The following SKAP1 variants were observed in gnomAD, a reference collection of about 807,000 sequenced individuals.
SKAP1 encodes src kinase-associated phosphoprotein 1.
A neutral mutation model predicts 58.5 loss-of-function variants in SKAP1; 44 were observed. The ratio of observed to expected loss-of-function variants is 0.75; its 90% CI spans 0.59 to 0.97. SKAP1 has a LOEUF of 0.97. SKAP1 is among the 50% of genes least tolerant of loss of function. The pLI is 0.00. For missense variants in SKAP1, 390 were observed against 435.2 expected (o/e 0.90, Z 0.92); for synonymous variants, 127 against 149.7 (o/e 0.85, Z 1.11).
At chr17:48,290,018 T>C (rs2065880655) in intron 4 of SKAP1, among the ~76,000 whole-genome samples, 2 of 152,142 alleles carry the variant, frequency 1.3e-5, no homozygotes, top group African/African-American at 2.4e-5. Context: ...ATGGAAATAT[T>C]CTCAGAATTA....
chr17:48,335,588 G>A (rs2066557028), intron 4 of SKAP1, among the ~76,000 whole-genome samples: 1 of 152,042 alleles, frequency 6.6e-6, no homozygotes, highest in Non-Finnish European at 1.5e-5. Context: ...TAGAAGGAAT[G>A]CTACAATAAT....
At chr17:48,224,287 T>G (rs946931289) in intron 4 of SKAP1, among the ~76,000 whole-genome samples, 4 of 152,212 alleles carry the variant, frequency 2.6e-5, no homozygotes, top group African/African-American at 7.2e-5. Context: ...GGACAAACTC[T>G]GAAAGATTTC....
rs2066967262 is a variant in SKAP1, at chr17:48,363,818, A to G, written c.153-4T>C. 6.2e-7 allele frequency: 1 copy of G among 1,605,730 alleles called. No individual in the cohort carries two copies. The highest frequency in any genetic ancestry group is 2.2e-5 in the East Asian group (1 of 44,802). On this transcript the variant is annotated splice_polypyrimidine_tract_variant and splice_region_variant and intron_variant, in intron 2 of 12. Transcript: ENST00000336915. ...GGGCTGAAAATCCCAATAGTACCTGAAATACAAGGGGGAAAAAAAAAGGGA... is the reference window on the plus strand; with the variant it reads ...GGGCTGAAAATCCCAATAGTACCTGGAATACAAGGGGGAAAAAAAAAGGGA...
chr17:48,155,079 A>C (rs2063955711), intron 11 of SKAP1, among the ~76,000 whole-genome samples: 1 of 151,920 alleles, frequency 6.6e-6, no homozygotes, highest in South Asian at 2.1e-4. Flanking sequence ...AAAAAAAAAA[A>C]AAGTTATCTT....
chr17:48,257,628 CT>C (rs56225931), intron 4 of SKAP1, among the ~76,000 whole-genome samples: 40,565 of 110,838 alleles, frequency 0.37, 5,863 homozygotes, highest in East Asian at 0.63. Context: ...TTCTTTCTTT[CT>C]TTTTTTTTTT....
chr17:48,231,118 C>G (rs968668216), intron 4 of SKAP1, among the ~76,000 whole-genome samples: 1 of 152,122 alleles, frequency 6.6e-6, no homozygotes, highest in African/African-American at 2.4e-5. Flanking sequence ...TTAGTGTACA[C>G]AGTGGTTTAC....
intron 4 of SKAP1, among the ~76,000 whole-genome samples, chr17:48,337,401 A>G (rs1350296747): frequency 6.6e-6 from 1 of 152,222 alleles, no homozygotes; most frequent in Non-Finnish European, 1.5e-5. Context: ...GTAGAAAAAC[A>G]AAAACTATCA....
chr17:48,199,114 C>T (rs2064689560), intron 4 of SKAP1, among the ~76,000 whole-genome samples: 1 of 151,996 alleles, frequency 6.6e-6, no homozygotes, highest in African/African-American at 2.4e-5. Context: ...GATAAGAGCA[C>T]AGAGAAAAGG....
At chr17:48,185,981 G>A (rs561089783) in intron 6 of SKAP1, 61 of 152,110 alleles carry the variant, frequency 4.0e-4, no homozygotes, top group African/African-American at 1.3e-3. Context: ...AAAAGCTTCC[G>A]AGTCTCTTGC....
intron 2 of SKAP1, among the ~76,000 whole-genome samples, chr17:48,366,595 A>C (rs909197816): frequency 6.6e-6 from 1 of 152,184 alleles, no homozygotes; most frequent in Non-Finnish European, 1.5e-5. Context: ...TGTGAATAAT[A>C]GTATGATGGG....
At chr17:48,332,047 G>A (rs1399650974) in intron 4 of SKAP1, among the ~76,000 whole-genome samples, 1 of 151,970 alleles carries the variant, frequency 6.6e-6, no homozygotes, top group African/African-American at 2.4e-5. Context: ...AAGTAGAAAA[G>A]TAACTTGTAA....
Position 48,198,311 on chromosome 17 carries a change from C to A in SKAP1, c.281-8811G>T, listed in dbSNP as rs992396223. Among the ~76,000 whole-genome samples, 4 of 151,932 alleles carry A rather than the reference C, an allele frequency of 2.6e-5. No homozygotes were observed. In the East Asian group the frequency reaches 7.7e-4, roughly 29 times the overall value. On this transcript the variant is annotated intron_variant, in intron 4 of 12. Transcript: ENST00000336915. ...TCTACTAAAAATACAAAAAATTAGC[C>A]GGGCGTGTTGGCGGGCGCCTGTAGT...
chr17:48,227,255 C>G (rs1806381647), intron 4 of SKAP1, among the ~76,000 whole-genome samples: 1 of 152,164 alleles, frequency 6.6e-6, no homozygotes, highest in Non-Finnish European at 1.5e-5. Context: ...TAAACTGCCC[C>G]TGTTTATTCT....
intron 4 of SKAP1, among the ~76,000 whole-genome samples, chr17:48,225,107 A>G (rs2065052551): frequency 6.6e-6 from 1 of 152,192 alleles, no homozygotes; most frequent in African/African-American, 2.4e-5. Flanking sequence ...TAGAATTTGT[A>G]TTTCTAGTAT....
At chr17:48,338,972 G>C (rs2066612746) in intron 4 of SKAP1, among the ~76,000 whole-genome samples, 1 of 152,152 alleles carries the variant, frequency 6.6e-6, no homozygotes, top group South Asian at 2.1e-4. Context: ...CCTTATCACA[G>C]TAAACTCAAC....
Position 48,314,050 on chromosome 17 carries a change from CA to C in SKAP1, c.280+31854del, listed in dbSNP as rs564016687. On this transcript the variant is annotated intron_variant, in intron 4 of 12. Transcript: ENST00000336915. ...AATTTGTGAATATTCGTCTCTAATT[CA>C]AGTTAATTTTTAAAAGGAATAAACT... Among the ~76,000 whole-genome samples, 609 of 152,262 alleles carry C rather than the reference CA, an allele frequency of 4.0e-3. 8 individuals carry two copies. The highest frequency in any genetic ancestry group is 0.014 in the African/African-American group (583 of 41,548).
At chr17:48,142,518 A>G (rs1365297661) in intron 11 of SKAP1, among the ~76,000 whole-genome samples, 1 of 152,180 alleles carries the variant, frequency 6.6e-6, no homozygotes, top group Non-Finnish European at 1.5e-5. Context: ...TGAGATTATG[A>G]TGAAATGAAG....
chr17:48,205,670 G>C (rs949803270), intron 4 of SKAP1, among the ~76,000 whole-genome samples: 1 of 152,044 alleles, frequency 6.6e-6, no homozygotes, highest in African/African-American at 2.4e-5. Flanking sequence ...TCAGGGGGGA[G>C]AAACAAGTCA....
intron 1 of SKAP1, among the ~76,000 whole-genome samples, chr17:48,413,523 A>AAAAAATATATATAT: frequency 9.5e-6 from 1 of 105,496 alleles, no homozygotes; most frequent in African/African-American, 4.3e-5. Context: ...TCAAAAAAAA[A>AAAAAATATATATAT]ATATATATAT....
Sources: allele counts gnomAD v4.1 joint callset (sites outside exome capture counted in the v4.1 genomes callset), GRCh38; gene constraint gnomAD v4.1.1; transcripts MANE v1.5; gene names NCBI Gene and HGNC (gene_info 2026-07-23, HGNC 2026-07-21).